The following ZNF155 variants were observed in gnomAD, a reference collection of about 807,000 sequenced individuals.
The protein encoded by ZNF155 is zinc finger protein 155.
Under a neutral mutation model 11.9 loss-of-function variants are expected in ZNF155, and 15 were observed. The ratio of observed to expected loss-of-function variants is 1.26; its 90% confidence interval spans 0.84 to 1.94. The LOEUF is 1.94. Among genes scored for constraint, ZNF155 ranks in the 30% most tolerant of loss-of-function variants. The pLI is 0.00. For missense variants in ZNF155, 602 were observed against 639.1 expected (o/e 0.94, Z 0.63); for synonymous variants, 212 against 219.9 (o/e 0.96, Z 0.32).
chr19:43,984,615 GTTTT>G (rs1170971099), intron 1 of ZNF155, among the ~76,000 whole-genome samples: 7 of 152,134 alleles, frequency 4.6e-5, no homozygotes, highest in Non-Finnish European at 1.0e-4. Context: ...TCCCATTGCC[GTTTT>G]TTAAATGAGG....
At chr19:43,985,861 G>A (rs1276438315) in intron 1 of ZNF155, among the ~76,000 whole-genome samples, 1 of 151,944 alleles carries the variant, frequency 6.6e-6, no homozygotes, top group African/African-American at 2.4e-5. Context: ...TTTTAAATAT[G>A]GGAGTGAGAC....
chr19:43,994,767 G>A (rs1975776228), intron 4 of ZNF155, among the ~76,000 whole-genome samples: 1 of 152,146 alleles, frequency 6.6e-6, no homozygotes, highest in Non-Finnish European at 1.5e-5. Context: ...CCTAAGTGCT[G>A]GGATCCAGAG....
chr19:43,995,611 T>G (rs1286443538), intron 4 of ZNF155, among the ~76,000 whole-genome samples: 1 of 152,092 alleles, frequency 6.6e-6, no homozygotes, highest in African/African-American at 2.4e-5. Context: ...CTCGAACTGC[T>G]GGACTCCAGT....
Position 43,997,032 on chromosome 19 carries a change from G to A in ZNF155, c.1175G>A (p.Arg392Gln), listed in dbSNP as rs763440025. The change falls in exon 5 of 5, where the codon CGA becomes CAA. Residue 392 changes from arginine (R) to glutamine (Q), a missense_variant. Physicochemically the swap from Arg to Gln is conservative, Grantham distance 43 (BLOSUM62 1). Coordinates refer to ENST00000270014, the MANE Select transcript of ZNF155 (RefSeq NM_198089.3). ...TCCTCATGCCTTTTGAACCATCAGC[G>A]AGTCCACAGTGGAGAAAAAAGCTTC... Reference protein sequence around the residue: ...RWSSCLLNHQRVHSGEKSFKC... With the variant: ...RWSSCLLNHQQVHSGEKSFKC... 93 of 1,614,058 alleles carry A rather than the reference G, an allele frequency of 5.8e-5. No homozygotes were observed. Among genetic ancestry groups the A allele is most frequent in the Admixed American group, 1.2e-4 (7 of 59,994 alleles).
chr19:43,995,819 GGACT>G (rs1306073661), intron 4 of ZNF155, among the ~76,000 whole-genome samples: 1 of 151,958 alleles, frequency 6.6e-6, no homozygotes, highest in Non-Finnish European at 1.5e-5. Context: ...GCAAGATTTT[GGACT>G]GACTAGGAAA....
In ZNF155 at chr19:43,996,303, A is replaced by G. The variant is rs754824267; in HGVS notation, c.446A>G (p.Gln149Arg). ...PTIHTGQKPSQGGKCKQSISD... is the reference protein window; with the variant it reads ...PTIHTGQKPSRGGKCKQSISD... Reference sequence around the variant, plus strand: ...ATTCATACAGGACAGAAACCTTCCCAGGGTGGGAAGTGTAAACAGTCCATC... The same window carrying G: ...ATTCATACAGGACAGAAACCTTCCCGGGGTGGGAAGTGTAAACAGTCCATC... Residue 149 changes from glutamine (Q) to arginine (R), a missense_variant, in exon 5 of 5, where the codon CAG becomes CGG. By Grantham distance (43) the Gln-to-Arg change is conservative. Transcript: ENST00000270014. 1.2e-6 allele frequency: 2 copies of G among 1,614,158 alleles called. No homozygotes were observed. Among genetic ancestry groups the G allele is most frequent in the Non-Finnish European group, 1.7e-6 (2 of 1,179,984 alleles).
chr19:43,986,448 T>TTTTG (rs1568486497), intron 1 of ZNF155, among the ~76,000 whole-genome samples: 1 of 31,832 alleles, frequency 3.1e-5, no homozygotes, highest in African/African-American at 2.8e-4. Flanking sequence ...TTCCCATTTG[T>TTTTG]GTTTTTTTTT....
At chr19:43,990,040 G>T (rs757566963) in intron 2 of ZNF155, 10 of 1,497,508 alleles carry the variant, frequency 6.7e-6, no homozygotes, top group Non-Finnish European at 7.9e-6. Context: ...AAGACTGTGG[G>T]AATACTTATA....
chr19:43,993,263 G>A (rs1975726090), intron 4 of ZNF155, among the ~76,000 whole-genome samples: 1 of 152,076 alleles, frequency 6.6e-6, no homozygotes, highest in African/African-American at 2.4e-5. Context: ...AAACATTAAA[G>A]GATATAGATT....
chr19:43,991,899 T>C lies in ZNF155; in HGVS notation c.200T>C (p.Met67Thr). ...CHFLREEKFW[M>T]MGTATQREGN... ...TTCCTAAGGGAAGAAAAGTTTTGGA[T>C]GATGGGGACAGCAACCCAAAGAGAA... is the stretch of plus-strand genomic sequence containing the variant. The change falls in exon 4 of 5, where the codon ATG becomes ACG. Residue 67 changes from methionine (M) to threonine (T), a missense_variant. By Grantham distance (81) the Met-to-Thr change is moderately conservative. Transcript: ENST00000270014. The C allele has an allele frequency of 6.2e-7, 1 of 1,613,904 alleles. No individual in the cohort carries two copies. Among genetic ancestry groups the C allele is most frequent in the Non-Finnish European group, 8.5e-7 (1 of 1,179,912 alleles).
chr19:43,991,244 G>A (rs1337740804), intron 2 of ZNF155, among the ~76,000 whole-genome samples: 2 of 152,094 alleles, frequency 1.3e-5, no homozygotes, highest in South Asian at 2.1e-4. Flanking sequence ...AAGATGTGTC[G>A]AACCTATATA....
chr19:43,990,936 C>T (rs55750317), intron 2 of ZNF155, among the ~76,000 whole-genome samples: 19,348 of 152,070 alleles, frequency 0.13, 1,355 homozygotes, highest in East Asian at 0.19. Context: ...GCAGCCCACC[C>T]GAGGTTATAT....
At chr19:43,989,423 T>TGAG (rs3837982) in intron 2 of ZNF155, among the ~76,000 whole-genome samples, 57,335 of 151,914 alleles carry the variant, frequency 0.38, 11,769 homozygotes, top group East Asian at 0.55. Flanking sequence ...CGCAGCGGAA[T>TGAG]GAGGTTCCTG....
intron 1 of ZNF155, among the ~76,000 whole-genome samples, chr19:43,985,915 G>A (rs1975426207): frequency 6.6e-6 from 1 of 152,166 alleles, no homozygotes. Flanking sequence ...AGCTGGAGCT[G>A]GAACCTAGGC....
chr19:43,993,446 G>A (rs187775210), intron 4 of ZNF155, among the ~76,000 whole-genome samples: 9 of 151,986 alleles, frequency 5.9e-5, no homozygotes, highest in African/African-American at 1.2e-4. Flanking sequence ...ATGCAGTTTC[G>A]CTCGTCACCC....
intron 4 of ZNF155, among the ~76,000 whole-genome samples, chr19:43,995,620 G>T (rs1245297206): frequency 6.6e-6 from 1 of 152,066 alleles, no homozygotes; most frequent in East Asian, 1.9e-4. Context: ...CTGGACTCCA[G>T]TGATCAATCC....
chr19:43,995,801 T>C (rs1318865110), intron 4 of ZNF155, among the ~76,000 whole-genome samples: 1 of 152,224 alleles, frequency 6.6e-6, no homozygotes, highest in Non-Finnish European at 1.5e-5. Flanking sequence ...ATTTTCATAA[T>C]TTATCATGCA....
chr19:43,993,478 A>G (rs1975733729), intron 4 of ZNF155, among the ~76,000 whole-genome samples: 1 of 152,030 alleles, frequency 6.6e-6, no homozygotes, highest in African/African-American at 2.4e-5. Flanking sequence ...CAATGGTGCA[A>G]TCTCGGCTCA....
chr19:43,984,682 A>C (rs1359155930), intron 1 of ZNF155, among the ~76,000 whole-genome samples: 10 of 152,168 alleles, frequency 6.6e-5, no homozygotes, highest in African/African-American at 2.4e-4. Flanking sequence ...TTGTGGTATA[A>C]AACAAAGACT....
Sources: allele counts gnomAD v4.1 joint callset (sites outside exome capture counted in the v4.1 genomes callset), GRCh38; gene constraint gnomAD v4.1.1; transcripts MANE v1.5; gene names NCBI Gene and HGNC (gene_info 2026-07-23, HGNC 2026-07-21).